Variants in PDLIM5 observed in about 807,000 individuals in gnomAD.
The protein encoded by PDLIM5 is PDZ and LIM domain protein 5.
A neutral mutation model predicts 64.2 loss-of-function variants in PDLIM5; 34 were observed. The observed-to-expected ratio is 0.53, with a 90% CI of 0.40 to 0.71. The LOEUF (loss-of-function observed/expected upper bound fraction) is 0.71. Among genes scored for constraint, PDLIM5 ranks in the 30% least tolerant of loss-of-function variants. The probability of loss-of-function intolerance (pLI) is 0.00; values close to 1 mark genes in which losing one functional copy is unlikely to be tolerated. For missense variants in PDLIM5, 683 were observed against 733.6 expected (o/e 0.93, Z 0.80); for synonymous variants, 253 against 269.1 (o/e 0.94, Z 0.59).
chr4:94,560,954 C>T (rs1358040605), intron 3 of PDLIM5, among the ~76,000 whole-genome samples: 3 of 152,106 alleles, frequency 2.0e-5, no homozygotes, highest in Non-Finnish European at 4.4e-5. Flanking sequence ...GTCTTGATCT[C>T]CTGACCTCAT....
intron 8 of PDLIM5, among the ~76,000 whole-genome samples, chr4:94,626,525 A>T (rs1042979334): frequency 1.1e-4 from 17 of 152,126 alleles, no homozygotes; most frequent in African/African-American, 4.1e-4. Context: ...TCTGTTAGGG[A>T]TGGGATAGAA....
intron 3 of PDLIM5, among the ~76,000 whole-genome samples, chr4:94,524,408 T>C (rs1467837659): frequency 6.6e-6 from 1 of 151,004 alleles, no homozygotes; most frequent in Non-Finnish European, 1.5e-5. Context: ...TGTATACAGC[T>C]TCAGAGAATT....
chr4:94,473,294 C>T (rs1234566177), intron 2 of PDLIM5, among the ~76,000 whole-genome samples: 2 of 152,150 alleles, frequency 1.3e-5, no homozygotes, highest in Admixed American at 6.6e-5. Context: ...CGGAGTTTCA[C>T]TCTGTTGCCG....
At chr4:94,566,400 T>C (rs1433948282) in intron 3 of PDLIM5, among the ~76,000 whole-genome samples, 4 of 152,212 alleles carry the variant, frequency 2.6e-5, no homozygotes, top group Non-Finnish European at 5.9e-5. Context: ...TTCCTTGAAA[T>C]TGATCCTGTT....
At chr4:94,552,227 CCTTT>C (rs143426106) in intron 3 of PDLIM5, among the ~76,000 whole-genome samples, 1,800 of 152,200 alleles carry the variant, frequency 0.012, 34 homozygotes, top group African/African-American at 0.041. Context: ...GGTTTAATCT[CCTTT>C]CTAAGTCTTT....
chr4:94,591,673 T>G (rs1736684204), intron 7 of PDLIM5, among the ~76,000 whole-genome samples: 1 of 152,220 alleles, frequency 6.6e-6, no homozygotes. Context: ...GGAGGGACCA[T>G]TCTAGCTCCT....
At chr4:94,503,795 C>T (rs940210549) in intron 2 of PDLIM5, among the ~76,000 whole-genome samples, 2 of 152,184 alleles carry the variant, frequency 1.3e-5, no homozygotes, top group African/African-American at 4.8e-5. Flanking sequence ...CTTTTATATT[C>T]TCACTGTGTT....
intron 2 of PDLIM5, among the ~76,000 whole-genome samples, chr4:94,485,387 T>C (rs1348557249): frequency 6.6e-6 from 1 of 152,212 alleles, no homozygotes; most frequent in East Asian, 1.9e-4. Context: ...CATATTATTA[T>C]TGTGCTACAG....
At chr4:94,602,510 TG>T (rs1208475215) in intron 7 of PDLIM5, among the ~76,000 whole-genome samples, 1 of 152,164 alleles carries the variant, frequency 6.6e-6, no homozygotes, top group Non-Finnish European at 1.5e-5. Flanking sequence ...TGGAATGCAA[TG>T]GCAGGATCTT....
rs1290766404 is a variant in PDLIM5 at position 94,584,409 on chromosome 4, A to G, written c.711-1156A>G. The G allele has an allele frequency of 2.0e-5, 3 of 152,378 alleles. No individual in the cohort carries two copies. In the East Asian group the frequency reaches 5.8e-4, roughly 29 times the overall value. The allele number at this position is 152,378 out of a possible 1,614,324, so 9.4% of individuals were successfully genotyped here. ...GAAATAAAAATGAATGTTCTTAGCA[A>G]ACTCAAAGTTCTTGAACTCTGTAGT... On this transcript the variant is annotated intron_variant, in intron 5 of 12. Transcript: ENST00000317968.
rs1742953855 is a variant in PDLIM5 at position 94,664,240 on chromosome 4, G to T, written c.*173G>T. 33 of 1,138,182 alleles carry T rather than the reference G, an allele frequency of 2.9e-5. No homozygotes were observed. The East Asian group carries it at 1.2e-3, about 41-fold the overall frequency. The allele number at this position is 1,138,182 out of a possible 1,614,324, so 70.5% of individuals were successfully genotyped here. On this transcript the variant is annotated 3_prime_UTR_variant, in exon 13 of 13. Transcript: ENST00000317968. Reference sequence around the variant, plus strand: ...CTGAGGAAATATTTGGCTTCATAAAGTAAAGAGACGGTTTGGCATTTATTA... The same window carrying T: ...CTGAGGAAATATTTGGCTTCATAAATTAAAGAGACGGTTTGGCATTTATTA...
chr4:94,645,380 T>C (rs1386874160), intron 9 of PDLIM5, among the ~76,000 whole-genome samples: 4 of 152,230 alleles, frequency 2.6e-5, no homozygotes, highest in African/African-American at 9.6e-5. Flanking sequence ...AACATGCATG[T>C]GCAAGTATCT....
chr4:94,601,014 T>C (rs534139695), intron 7 of PDLIM5, among the ~76,000 whole-genome samples: 3 of 152,314 alleles, frequency 2.0e-5, no homozygotes, highest in Admixed American at 6.5e-5. Flanking sequence ...GTAAGAGTTA[T>C]AAAGCCATAG....
intron 8 of PDLIM5, among the ~76,000 whole-genome samples, chr4:94,639,620 A>G (rs1001814687): frequency 2.6e-5 from 4 of 152,300 alleles, no homozygotes; most frequent in Admixed American, 6.5e-5. Flanking sequence ...GAATCCAGGA[A>G]CAGAGAGAAT....
In PDLIM5 at chr4:94,499,307, C is replaced by G. The variant is rs559721361; in HGVS notation, c.97-24417C>G. On this transcript the variant is annotated intron_variant, in intron 2 of 12. Transcript: ENST00000317968. ...AAGTAATTATCTGTATTTTTTCACC[C>G]CTTTCTTGGAAATAAATGGAAACTT... is the stretch of plus-strand genomic sequence containing the variant. 1.2e-4 allele frequency among the ~76,000 whole-genome samples: 18 copies of G among 151,932 alleles called. No individual in the cohort carries two copies. The South Asian group carries it at 1.7e-3, about 14-fold the overall frequency.
At chr4:94,500,646 A>G (rs1027499218) in intron 2 of PDLIM5, among the ~76,000 whole-genome samples, 1 of 152,174 alleles carries the variant, frequency 6.6e-6, no homozygotes, top group Admixed American at 6.5e-5. Context: ...ATTTACTTCT[A>G]ATTTTTAAAA....
At chr4:94,604,865 C>T (rs1478980622) in intron 7 of PDLIM5, among the ~76,000 whole-genome samples, 1 of 152,108 alleles carries the variant, frequency 6.6e-6, no homozygotes, top group Non-Finnish European at 1.5e-5. Context: ...TTTTTTACCA[C>T]AGTTTTTAAA....
intron 8 of PDLIM5, among the ~76,000 whole-genome samples, chr4:94,636,309 G>A (rs563980137): frequency 2.4e-4 from 36 of 151,758 alleles, no homozygotes; most frequent in Middle Eastern, 3.4e-3. Flanking sequence ...GGCTTTCTTT[G>A]AGGTCTGATT....
intron 9 of PDLIM5, among the ~76,000 whole-genome samples, chr4:94,641,897 C>T (rs2110461691): frequency 6.6e-6 from 1 of 152,230 alleles, no homozygotes; most frequent in Admixed American, 6.5e-5. Flanking sequence ...ACTCTAGACC[C>T]ATTCATCATT....
Sources: gnomAD v4.1 joint callset for allele counts (sites outside exome capture counted in the v4.1 genomes callset) on GRCh38, gnomAD v4.1.1 for gene constraint, MANE v1.5 for transcripts, NCBI Gene and HGNC (gene_info 2026-07-23, HGNC 2026-07-21) for gene names.